RANBP2: variants seen among roughly 807,000 people sequenced by gnomAD.
RANBP2 encodes E3 SUMO-protein ligase RanBP2.
Under a neutral mutation model 303.6 loss-of-function variants are expected in RANBP2, and 57 were observed. The ratio of observed to expected loss-of-function variants is 0.19; its 90% CI spans 0.15 to 0.23. The LOEUF is 0.23. RANBP2 is among the 10% of genes least tolerant of loss of function. The pLI, the probability that RANBP2 is intolerant of heterozygous loss-of-function variation, is 1.00. For missense variants in RANBP2, 3,138 were observed against 3,780.8 expected (o/e 0.83, Z 4.46); for synonymous variants, 1,167 against 1,301.5 (o/e 0.90, Z 2.23).
the RANBP2 span, among the ~76,000 whole-genome samples, chr2:109,167,508 A>G: frequency 3.9e-5 from 6 of 152,122 alleles, no homozygotes; most frequent in Admixed American, 3.9e-4. Flanking sequence ...TTTACATTGT[A>G]TTTCCCCAGT....
downstream of RANBP2, chr2:108,787,915 G>T: frequency 1.2e-6 from 1 of 866,854 alleles, no homozygotes; most frequent in Non-Finnish European, 1.7e-6. Flanking sequence ...TTAAGATGGT[G>T]TCTACAAGAT....
At chr2:109,341,518 A>G in the RANBP2 span, among the ~76,000 whole-genome samples, 1 of 152,226 alleles carries the variant, frequency 6.6e-6, no homozygotes, top group African/African-American at 2.4e-5. Flanking sequence ...AATTGTAAAT[A>G]CACCTGAGAC....
chr2:109,410,489 T>C, the RANBP2 span, among the ~76,000 whole-genome samples: 1 of 152,200 alleles, frequency 6.6e-6, no homozygotes, highest in Non-Finnish European at 1.5e-5. Flanking sequence ...TTGTGCTAAG[T>C]TCCATCAGAC....
chr2:109,049,377 G>T, the RANBP2 span, among the ~76,000 whole-genome samples: 1 of 152,230 alleles, frequency 6.6e-6, no homozygotes, highest in African/African-American at 2.4e-5. Flanking sequence ...GGCGTGTTAG[G>T]TGTATTTTTA....
the RANBP2 span, among the ~76,000 whole-genome samples, chr2:109,056,563 T>C: frequency 2.0e-5 from 3 of 152,192 alleles, no homozygotes; most frequent in Non-Finnish European, 4.4e-5. Context: ...GGATTGGCTC[T>C]TCTACTACCT....
the RANBP2 span, among the ~76,000 whole-genome samples, chr2:109,547,595 T>C: frequency 1.3e-5 from 2 of 152,172 alleles, no homozygotes; most frequent in African/African-American, 4.8e-5. Flanking sequence ...AATGTCACCT[T>C]AGATGTCAAT....
At chr2:109,012,711 G>C in the RANBP2 span, among the ~76,000 whole-genome samples, 4 of 152,258 alleles carry the variant, frequency 2.6e-5, no homozygotes, top group East Asian at 7.7e-4. Flanking sequence ...TCAGGAGATC[G>C]AGACCATCCT....
chr2:109,400,667 C>T, the RANBP2 span, among the ~76,000 whole-genome samples: 47 of 141,600 alleles, frequency 3.3e-4, no homozygotes, highest in East Asian at 8.0e-4. Flanking sequence ...TTTATACATG[C>T]GCACACACAC....
chr2:109,113,661 C>G, the RANBP2 span, among the ~76,000 whole-genome samples: 33 of 152,206 alleles, frequency 2.2e-4, no homozygotes, highest in African/African-American at 7.5e-4. Flanking sequence ...GCCAGAACTT[C>G]CAACACTATG....
At chr2:109,190,054 G>A in the RANBP2 span, among the ~76,000 whole-genome samples, 1 of 152,242 alleles carries the variant, frequency 6.6e-6, no homozygotes, top group South Asian at 2.1e-4. Flanking sequence ...AGTGCTCTTT[G>A]ATGTTGTAAT....
At chr2:109,149,238 G>A in the RANBP2 span, among the ~76,000 whole-genome samples, 2 of 152,122 alleles carry the variant, frequency 1.3e-5, no homozygotes, top group Non-Finnish European at 2.9e-5. Context: ...GACTTCTCTA[G>A]TCAGACACTA....
the RANBP2 span, among the ~76,000 whole-genome samples, chr2:109,262,822 AG>A: frequency 6.6e-6 from 1 of 152,016 alleles, no homozygotes; most frequent in Non-Finnish European, 1.5e-5. Context: ...TTTTCATACA[AG>A]ACTTTCTTTT....
At chr2:108,832,416 C>A in the RANBP2 span, among the ~76,000 whole-genome samples, 3 of 142,888 alleles carry the variant, frequency 2.1e-5, no homozygotes, top group Admixed American at 2.2e-4. Context: ...GGTGTGATCT[C>A]GGCTCACCGC....
chr2:108,927,188 G>T, the RANBP2 span, among the ~76,000 whole-genome samples: 1 of 152,202 alleles, frequency 6.6e-6, no homozygotes, highest in Non-Finnish European at 1.5e-5. Context: ...CGTGCTGAGG[G>T]TGTCTCTGCA....
chr2:108,722,485 G>T (rs1694340265), intron 1 of RANBP2, among the ~76,000 whole-genome samples: 1 of 151,718 alleles, frequency 6.6e-6, no homozygotes, highest in African/African-American at 2.4e-5. Flanking sequence ...TTTGGCAGAG[G>T]CTGGCCATCT....
chr2:109,422,338 A>T, the RANBP2 span, among the ~76,000 whole-genome samples: 1 of 152,298 alleles, frequency 6.6e-6, no homozygotes, highest in East Asian at 1.9e-4. Flanking sequence ...TCATGATTGC[A>T]TAGCTTTGAC....
chr2:108,775,801 C>A lies in RANBP2; in HGVS notation c.8362C>A (p.Pro2788Thr). 1.9e-6 allele frequency: 3 copies of A among 1,613,822 alleles called. No homozygotes were observed. The highest frequency in any genetic ancestry group is 2.5e-6 in the Non-Finnish European group (3 of 1,179,908). Reference sequence around the variant, plus strand: ...TACAGGTGGGACTGAAGTGATGGTACCTTCTTTCTGTAAATCTGAAGAACC... The same window carrying A: ...TACAGGTGGGACTGAAGTGATGGTAACTTCTTTCTGTAAATCTGAAGAACC... The part of the protein sequence containing the change: ...VYTGGTEVMV[P>T]SFCKSEEPDS... Residue 2788 changes from proline (P) to threonine (T), a missense_variant, in exon 24 of 29, where the codon CCT (proline) becomes ACT (threonine). Coordinates refer to ENST00000283195, the MANE Select transcript of RANBP2 (RefSeq NM_006267.5).
At chr2:109,693,596 G>T in the RANBP2 span, among the ~76,000 whole-genome samples, 1 of 152,116 alleles carries the variant, frequency 6.6e-6, no homozygotes, top group Admixed American at 6.5e-5. Context: ...TCTCTCTCTT[G>T]CCTGCCACCA....
rs558555274 is a variant in RANBP2, at chr2:108,735,872, A to G, written c.636+110A>G. 5.1e-4 allele frequency: 804 copies of G among 1,576,190 alleles called. 2 individuals are homozygous for G. In the African/African-American group the frequency reaches 9.1e-3, roughly 18 times the overall value. ...GACTTAAAATTTCTTTTATTTATGT[A>G]GAACAGTTATAAAATGAAATTTTTA... On this transcript the variant is annotated intron_variant, in intron 5 of 28. Coordinates refer to ENST00000283195, the MANE Select transcript of RANBP2 (RefSeq NM_006267.5).
Sources: gnomAD v4.1 joint callset for allele counts (sites outside exome capture counted in the v4.1 genomes callset) on GRCh38, gnomAD v4.1.1 for gene constraint, MANE v1.5 for transcripts, NCBI Gene and HGNC (gene_info 2026-07-23, HGNC 2026-07-21) for gene names.